TNKS: variants seen among roughly 807,000 people sequenced by gnomAD.
The protein encoded by TNKS is tankyrase.
Under a neutral mutation model 135.8 loss-of-function variants are expected in TNKS, and 72 were observed. The observed-to-expected ratio is 0.53, with a 90% CI of 0.44 to 0.64. TNKS has a LOEUF of 0.64. Ranked by LOEUF, TNKS falls within the 30% of genes least tolerant of loss-of-function variation. The probability of loss-of-function intolerance (pLI) is 0.00; values close to 1 mark genes in which losing one functional copy is unlikely to be tolerated. For missense variants in TNKS, 1,769 were observed against 1,674.0 expected, an observed-to-expected ratio of 1.06 and a Z score of -0.99; for synonymous variants, 849 against 649.3, an observed-to-expected ratio of 1.31 and a Z score of -4.68.
At chr8:9,617,461 G>C (rs898725995) in intron 3 of TNKS, among the ~76,000 whole-genome samples, 25 of 152,160 alleles carry the variant, frequency 1.6e-4, no homozygotes, top group African/African-American at 4.8e-5. Context: ...ATGATCTACA[G>C]CTTTTCAGAT....
chr8:9,572,828 A>G (rs1289181436), intron 1 of TNKS, among the ~76,000 whole-genome samples: 1 of 152,196 alleles, frequency 6.6e-6, no homozygotes, highest in Non-Finnish European at 1.5e-5. Flanking sequence ...TGGAACCGCT[A>G]GTGTTAAACT....
chr8:9,578,284 G>A (rs984811982), intron 1 of TNKS, among the ~76,000 whole-genome samples: 2 of 152,206 alleles, frequency 1.3e-5, no homozygotes, highest in African/African-American at 4.8e-5. Flanking sequence ...GAAGAGTAGG[G>A]CATTGATGGT....
At chr8:9,598,703 A>ATTG (rs1491150725) in intron 2 of TNKS, among the ~76,000 whole-genome samples, 1 of 112,806 alleles carries the variant, frequency 8.9e-6, no homozygotes, top group African/African-American at 3.7e-5. Flanking sequence ...CTTGTCTAAA[A>ATTG]TATGTGTGTG....
intron 1 of TNKS, among the ~76,000 whole-genome samples, chr8:9,578,361 T>A (rs73664743): frequency 8.3e-4 from 127 of 152,322 alleles, no homozygotes; most frequent in African/African-American, 2.9e-3. Context: ...TGCAGGTATT[T>A]AAAAAACAAA....
intron 5 of TNKS, among the ~76,000 whole-genome samples, chr8:9,700,762 C>A (rs536110484): frequency 2.0e-5 from 3 of 151,990 alleles, no homozygotes; most frequent in East Asian, 3.8e-4. Context: ...ATTTTTTCAC[C>A]GACTTCCTGT....
At position 9,706,817 on chromosome 8, in the gene TNKS, G is replaced by A; in HGVS notation, c.1276G>A (p.Ala426Thr). ...GTTTTTTTTCTCAATTCAGCATGGAGCTTGTGTTAATGCCATGGATCTCTG... is the reference window on the plus strand; with the variant it reads ...GTTTTTTTTCTCAATTCAGCATGGAACTTGTGTTAATGCCATGGATCTCTG... ...EVTELLLKHGACVNAMDLWQF... is the reference protein window; with the variant it reads ...EVTELLLKHGTCVNAMDLWQF... The change falls in exon 8 of 27, where the codon GCT (alanine) becomes ACT (threonine). Residue 426 changes from alanine (A) to threonine (T), a missense_variant. Around this residue, in one of 5 missense-constraint regions of TNKS, gnomAD observed 523 missense variants for 541.0 expected, o/e 0.97. Coordinates refer to ENST00000310430, the MANE Select transcript of TNKS (RefSeq NM_003747.3). The A allele has an allele frequency of 6.2e-7, 1 of 1,608,988 alleles. No individual in the cohort carries two copies. Among genetic ancestry groups the A allele is most frequent in the Non-Finnish European group, 8.5e-7 (1 of 1,178,564 alleles).
intron 5 of TNKS, among the ~76,000 whole-genome samples, chr8:9,697,988 A>G (rs548472380): frequency 6.6e-6 from 1 of 152,326 alleles, no homozygotes; most frequent in African/African-American, 2.4e-5. Context: ...TAGCGAAGAC[A>G]TGGAATCAAC....
chr8:9,718,150 G>C (rs1307735357), intron 11 of TNKS, among the ~76,000 whole-genome samples: 1 of 152,086 alleles, frequency 6.6e-6, no homozygotes, highest in Non-Finnish European at 1.5e-5. Flanking sequence ...TTCTATCATA[G>C]ATATATTAAT....
chr8:9,582,090 T>C (rs1798188848), intron 2 of TNKS, among the ~76,000 whole-genome samples: 1 of 152,232 alleles, frequency 6.6e-6, no homozygotes. Context: ...TATTAAAGTA[T>C]GTATCATAGT....
At chr8:9,657,156 G>C (rs1801418636) in intron 3 of TNKS, among the ~76,000 whole-genome samples, 2 of 133,188 alleles carry the variant, frequency 1.5e-5, no homozygotes, top group Non-Finnish European at 3.3e-5. Flanking sequence ...AGACGGGGTG[G>C]TGGCCGGGCA....
intron 25 of TNKS, among the ~76,000 whole-genome samples, chr8:9,768,806 C>T (rs911330159): frequency 6.6e-6 from 1 of 152,190 alleles, no homozygotes. Context: ...TTCTCTGGGA[C>T]CTGCAGGAGA....
Position 9,665,434 on chromosome 8 carries a change from T to C in TNKS, c.995-14517T>C, listed in dbSNP as rs532918877. ...AACCAGATTTACTTTTTCTGTTTTT[T>C]ATTCGTATTTCCACTTCTTTTAAGT... On this transcript the variant is annotated intron_variant, in intron 3 of 26. Transcript: ENST00000310430. Among the ~76,000 whole-genome samples, 26 of 152,376 alleles carry C rather than the reference T, an allele frequency of 1.7e-4. 3 individuals are homozygous for C. The highest frequency in any genetic ancestry group is 6.3e-4 in the African/African-American group (26 of 41,594).
At chr8:9,664,243 G>T (rs1366745803) in intron 3 of TNKS, among the ~76,000 whole-genome samples, 1 of 152,196 alleles carries the variant, frequency 6.6e-6, no homozygotes, top group Admixed American at 6.5e-5. Flanking sequence ...GGCAGAAGGT[G>T]AGGGGGAGTC....
rs758487328 is a variant in TNKS at position 9,556,529 on chromosome 8, G to T, written c.590G>T (p.Arg197Leu). The T allele has an allele frequency of 2.5e-5, 40 of 1,614,058 alleles. No homozygotes were observed. Among genetic ancestry groups the T allele is most frequent in the Non-Finnish European group, 3.3e-5 (39 of 1,180,058 alleles). The change falls in exon 1 of 27, where the codon CGG becomes CTG. Residue 197 changes from arginine (R) to leucine (L), a missense_variant. By Grantham distance (102) the Arg-to-Leu change is moderately radical. Coordinates refer to ENST00000310430, the MANE Select transcript of TNKS (RefSeq NM_003747.3). ...GCCTGTCGCAATGGGGACGTGTCCC[G>T]GGTAAAGAGGCTGGTGGACGCGGCA... ...LEACRNGDVS[R>L]VKRLVDAANV...
chr8:9,573,993 C>A (rs1797853198), intron 1 of TNKS, among the ~76,000 whole-genome samples: 1 of 152,084 alleles, frequency 6.6e-6, no homozygotes, highest in Non-Finnish European at 1.5e-5. Context: ...AGAATAGATA[C>A]CAGTGACCTT....
At chr8:9,645,430 T>C (rs1800885928) in intron 3 of TNKS, among the ~76,000 whole-genome samples, 1 of 152,154 alleles carries the variant, frequency 6.6e-6, no homozygotes, top group East Asian at 1.9e-4. Flanking sequence ...CTGCATAGTC[T>C]GAAGGGATAA....
intron 12 of TNKS, among the ~76,000 whole-genome samples, chr8:9,722,156 A>C (rs2128813249): frequency 6.6e-6 from 1 of 152,282 alleles, no homozygotes; most frequent in East Asian, 1.9e-4. Context: ...TTCTTATGTA[A>C]ATAGATTGGA....
At position 9,763,231 on chromosome 8, in the gene TNKS, C is replaced by A; in HGVS notation, c.3359C>A (p.Ser1120Ter). ...DLAPEDKEYQSVEEEMQSTIR... is the reference protein window; with the variant it reads ...DLAPEDKEYQ ...GCTCCAGAAGATAAAGAATATCAGT[C>A]AGTGGAAGAAGAGGTAATATACATC... Residue 1120 changes from serine to a stop codon, truncating the protein, a stop_gained, in exon 22 of 27, where the codon TCA (serine) becomes TAA (stop). Coordinates refer to ENST00000310430, the MANE Select transcript of TNKS (RefSeq NM_003747.3). LOFTEE classifies it high-confidence loss of function. 1 of 1,604,246 alleles carries A rather than the reference C, an allele frequency of 6.2e-7. No homozygotes were observed.
chr8:9,599,773 A>C (rs986798421), intron 2 of TNKS, among the ~76,000 whole-genome samples: 1 of 150,988 alleles, frequency 6.6e-6, no homozygotes, highest in Non-Finnish European at 1.5e-5. Context: ...AAGTTACTGC[A>C]GATGTGATGT....
Sources: allele counts gnomAD v4.1 joint callset (sites outside exome capture counted in the v4.1 genomes callset), GRCh38; gene constraint gnomAD v4.1.1; regional missense constraint gnomAD v4.1.1; transcripts MANE v1.5; gene names NCBI Gene and HGNC (gene_info 2026-07-23, HGNC 2026-07-21).